GNL3L: variants seen among roughly 807,000 people sequenced by gnomAD.
GNL3L encodes guanine nucleotide-binding protein-like 3-like protein.
In GNL3L, 4 loss-of-function variants were observed where a neutral mutation model predicts 42.9. The ratio of observed to expected loss-of-function variants is 0.09; its 90% CI spans 0.05 to 0.21. The LOEUF (loss-of-function observed/expected upper bound fraction) is 0.21. Ranked by LOEUF, GNL3L falls within the 10% of genes least tolerant of loss-of-function variation. The probability of loss-of-function intolerance (pLI) is 1.00; values close to 1 mark genes in which losing one functional copy is unlikely to be tolerated. For missense variants in GNL3L, 412 were observed against 481.7 expected (o/e 0.86, Z 1.36); for synonymous variants, 159 against 176.3 (o/e 0.90, Z 0.78).
At chrX:54,619,394 T>C (rs754288655) in intron 16 of GNL3L, among the ~76,000 whole-genome samples, 72 of 111,526 alleles carry the variant, frequency 6.5e-4, no homozygotes, top group Non-Finnish European at 1.2e-3. Context: ...ATTAATCTCA[T>C]TTCTGTAAAT....
At chrX:54,584,041 A>G (rs945916112) in intron 16 of GNL3L, among the ~76,000 whole-genome samples, 28 of 110,334 alleles carry the variant, frequency 2.5e-4, no homozygotes, top group South Asian at 3.8e-4. Flanking sequence ...ACCCACAGCT[A>G]GTATCATACT....
At chrX:54,607,860 TA>T (rs1370816492) in intron 16 of GNL3L, among the ~76,000 whole-genome samples, 1 of 111,527 alleles carries the variant, frequency 9.0e-6, no homozygotes, top group Non-Finnish European at 1.9e-5. Context: ...AATATAAAAG[TA>T]CATCAGAAGT....
Position 54,564,565 on chromosome X carries a change from G to A in GNL3L, c.*3963G>A, listed in dbSNP as rs1369949949. On this transcript the variant is annotated 3_prime_UTR_variant, in exon 16 of 16. Coordinates refer to ENST00000360845, the MANE Select transcript of GNL3L (RefSeq NM_001184819.2). ...TGGGATTATGGGCGCCCGCCACCACGCCCAGCTAATTTTTGTATTTTTAGT... is the reference window on the plus strand; with the variant it reads ...TGGGATTATGGGCGCCCGCCACCACACCCAGCTAATTTTTGTATTTTTAGT... Among the ~76,000 whole-genome samples the A allele has an allele frequency of 9.5e-6, 1 of 105,121 alleles. No homozygotes were observed. Among genetic ancestry groups the A allele is most frequent in the Non-Finnish European group, 1.9e-5 (1 of 51,487 alleles). 91.3% of individuals were successfully genotyped at this position (105,121 alleles called of 115,157 possible).
intron 2 of GNL3L, among the ~76,000 whole-genome samples, chrX:54,535,796 A>G (rs1381602478): frequency 9.0e-6 from 1 of 110,801 alleles, no homozygotes; most frequent in Non-Finnish European, 1.9e-5. Flanking sequence ...ACAGGGTCTC[A>G]CTCTGTCGGC....
At chrX:54,637,037 T>C in the GNL3L span, among the ~76,000 whole-genome samples, 1 of 111,829 alleles carries the variant, frequency 8.9e-6, no homozygotes, top group East Asian at 2.8e-4. Context: ...CTGGCATCTG[T>C]TATTGCCTTT....
At chrX:54,598,087 CA>C (rs1925957555) in intron 16 of GNL3L, among the ~76,000 whole-genome samples, 1 of 111,736 alleles carries the variant, frequency 8.9e-6, no homozygotes. Flanking sequence ...GGTGTTCTTG[CA>C]GGGGGGACAA....
In GNL3L at chrX:54,532,570, A is replaced by G. The variant is rs751381241; in HGVS notation, c.4A>G (p.Met2Val). MMKLRHKNKKPG... is the reference protein window; with the variant it reads MVKLRHKNKKPG... Reference sequence around the variant, plus strand: ...ATCTGCTTTCAAGCTGGTCATCATGATGAAACTTAGACACAGTGAGTTTCC... The same window carrying G: ...ATCTGCTTTCAAGCTGGTCATCATGGTGAAACTTAGACACAGTGAGTTTCC... The change falls in exon 2 of 16, where the codon ATG becomes GTG. Residue 2 changes from methionine to valine, a missense_variant. Met to Val is a conservative substitution (Grantham distance 21). Transcript: ENST00000360845. 9.3e-6 allele frequency: 11 copies of G among 1,187,645 alleles called. No individual in the cohort carries two copies. The highest frequency in any genetic ancestry group is 7.0e-5 in the African/African-American group (4 of 56,807).
In GNL3L at chrX:54,580,752, C is replaced by G. The variant is rs1925703964; in HGVS notation, c.*45+20105C>G. ...GATTTGCATTTCTCTGATGGTCTGG[C>G]CTAACCTTTTTAAGAATTTATTTAT... On this transcript the variant is annotated intron_variant, in intron 16 of 16. Transcript: ENST00000674498. 2.7e-5 allele frequency among the ~76,000 whole-genome samples: 3 copies of G among 111,809 alleles called. No individual in the cohort carries two copies. The South Asian group carries it at 1.1e-3, about 42-fold the overall frequency.
At chrX:54,538,184 C>T (rs769974543) in intron 2 of GNL3L, among the ~76,000 whole-genome samples, 6 of 111,141 alleles carry the variant, frequency 5.4e-5, no homozygotes, top group African/African-American at 2.0e-4. Flanking sequence ...GAGCAAGAGT[C>T]GGTCTCAAAA....
rs767668011 is a variant in GNL3L, at chrX:54,563,866, A to T, written c.*3264A>T. 1.2e-4 allele frequency among the ~76,000 whole-genome samples: 13 copies of T among 111,825 alleles called. No individual in the cohort carries two copies. In the East Asian group the frequency reaches 2.5e-3, roughly 22 times the overall value. On this transcript the variant is annotated 3_prime_UTR_variant, in exon 16 of 16. Coordinates refer to ENST00000360845, the MANE Select transcript of GNL3L (RefSeq NM_001184819.2). The stretch of plus-strand genomic sequence containing the variant: ...ACAGCATATCTCAAAGGTTTTTTTT[A>T]AAAAAGTATTTTCTTAACTTTTTAC...
At position 54,563,069 on chromosome X, in the gene GNL3L, A is replaced by G. The variant is rs991759303; in HGVS notation, c.*2467A>G. 2.7e-5 allele frequency among the ~76,000 whole-genome samples: 3 copies of G among 112,004 alleles called. No individual in the cohort carries two copies. Among genetic ancestry groups the G allele is most frequent in the Non-Finnish European group, 5.6e-5 (3 of 53,265 alleles). ...TAGTTTTTAGTGTCTTGCTAAAACT[A>G]TGTGCTCTTGAATAGGCTACAACTT... On this transcript the variant is annotated 3_prime_UTR_variant, in exon 16 of 16. Transcript: ENST00000360845.
downstream of GNL3L, among the ~76,000 whole-genome samples, chrX:54,572,050 C>G (rs1212644545): frequency 2.8e-5 from 3 of 107,160 alleles, no homozygotes; most frequent in Non-Finnish European, 5.8e-5. Flanking sequence ...GTGTTTCTCA[C>G]AGAAGGGGAT....
At position 54,538,994 on chromosome X, in the gene GNL3L, G is replaced by A. The variant is rs192628708; in HGVS notation, c.20-46G>A. 2.9e-4 allele frequency: 230 copies of A among 781,251 alleles called. 1 individual carries two copies. In the African/African-American group the frequency reaches 4.0e-3, roughly 14 times the overall value. The allele number at this position is 781,251 out of a possible 1,213,427, so 64.4% of individuals were successfully genotyped here. On this transcript the variant is annotated intron_variant, in intron 2 of 15. Coordinates refer to ENST00000360845, the MANE Select transcript of GNL3L (RefSeq NM_001184819.2). Reference sequence around the variant, plus strand: ...CTTGATTCAGATGTCAACAAATATCGTGTAGATGGATGACGGCTCTTTTCT... The same window carrying A: ...CTTGATTCAGATGTCAACAAATATCATGTAGATGGATGACGGCTCTTTTCT...
chrX:54,623,299 C>G (rs943619418), downstream of GNL3L, among the ~76,000 whole-genome samples: 4 of 111,973 alleles, frequency 3.6e-5, no homozygotes, highest in Admixed American at 1.9e-4. Flanking sequence ...GAGTCTCACT[C>G]TGTCGCCCAG....
the GNL3L span, among the ~76,000 whole-genome samples, chrX:54,633,699 G>T: frequency 9.0e-6 from 1 of 111,637 alleles, no homozygotes; most frequent in Non-Finnish European, 1.9e-5. Context: ...AAAGCCAGCA[G>T]TGACAGGCCT....
At chrX:54,596,768 C>A (rs1460287402) in intron 16 of GNL3L, among the ~76,000 whole-genome samples, 1 of 111,986 alleles carries the variant, frequency 8.9e-6, no homozygotes, top group Non-Finnish European at 1.9e-5. Flanking sequence ...AACCACGAGA[C>A]ACAGTCCTTC....
At chrX:54,644,532 C>G in the GNL3L span, among the ~76,000 whole-genome samples, 2 of 111,874 alleles carry the variant, frequency 1.8e-5, no homozygotes, top group Non-Finnish European at 3.8e-5. Flanking sequence ...TAATTATTGA[C>G]TCATTGAATT....
intron 2 of GNL3L, among the ~76,000 whole-genome samples, chrX:54,536,140 C>T (rs1167957574): frequency 1.8e-5 from 2 of 110,180 alleles, no homozygotes; most frequent in South Asian, 3.9e-4. Flanking sequence ...GTTGGGCAGG[C>T]TGGTCTCAAA....
intron 15 of GNL3L, among the ~76,000 whole-genome samples, 158 bp downstream of exon 15, chrX:54,558,813 T>C (rs943334290): frequency 9.0e-6 from 1 of 111,684 alleles, no homozygotes; most frequent in Non-Finnish European, 1.9e-5. Context: ...CCTGCCACCA[T>C]GTCCGGCTCA....
Sources: gnomAD v4.1 joint callset for allele counts (sites outside exome capture counted in the v4.1 genomes callset) on GRCh38, gnomAD v4.1.1 for gene constraint, MANE v1.5 for transcripts, NCBI Gene and HGNC (gene_info 2026-07-23, HGNC 2026-07-21) for gene names.